The following NTN4 variants were observed in gnomAD, a reference collection of about 807,000 sequenced individuals.
NTN4 encodes netrin-4.
In NTN4, 32 loss-of-function variants were observed where a neutral mutation model predicts 73.6. That is an observed-to-expected ratio of 0.44 (90% CI 0.33 to 0.58). The LOEUF is 0.58. Among genes scored for constraint, NTN4 ranks in the 20% least tolerant of loss-of-function variants. The pLI is 0.04. For synonymous variants in NTN4, 258 were observed against 287.5 expected (o/e 0.90, Z 1.04); for missense variants, 654 against 798.3 (o/e 0.82, Z 2.18).
chr12:95,746,894 A>G (rs1240261191), intron 2 of NTN4, among the ~76,000 whole-genome samples: 3 of 152,136 alleles, frequency 2.0e-5, no homozygotes, highest in Non-Finnish European at 2.9e-5. Context: ...TCAATACTTT[A>G]AAACAATTGT....
Position 95,748,731 on chromosome 12 carries a change from G to A in NTN4, c.586-10587C>T, listed in dbSNP as rs192474892. 5.5e-3 allele frequency among the ~76,000 whole-genome samples: 832 copies of A among 152,132 alleles called. 7 individuals are homozygous for A. The highest frequency in any genetic ancestry group is 0.019 in the African/African-American group (791 of 41,518). On this transcript the variant is annotated intron_variant, in intron 2 of 9. Transcript: ENST00000343702. ...GGTGATCCACCCAGCTTGGCCTCCC[G>A]AAGTGCTGGGATTACAGCTGTAAGC... is the stretch of plus-strand genomic sequence containing the variant.
intron 7 of NTN4, among the ~76,000 whole-genome samples, chr12:95,678,371 A>ATAGT (rs1390697141): frequency 1.3e-5 from 2 of 150,106 alleles, no homozygotes; most frequent in East Asian, 4.0e-4. Context: ...AAAAAAAAGA[A>ATAGT]TAGTTTGATA....
At chr12:95,700,080 A>ATTTTGTTTTTTTTTT (rs2078471857) in intron 5 of NTN4, among the ~76,000 whole-genome samples, 1 of 41,788 alleles carries the variant, frequency 2.4e-5, no homozygotes, top group African/African-American at 9.6e-5. Flanking sequence ...TAAAGTGAGG[A>ATTTTGTTTTTTTTTT]TTTTTTTTTT....
At chr12:95,683,281 C>T (rs10777717) in intron 6 of NTN4, among the ~76,000 whole-genome samples, 33,398 of 152,076 alleles carry the variant, frequency 0.22, 4,309 homozygotes, top group Non-Finnish European at 0.27. Context: ...AGGCTGGCCT[C>T]GAACTCCTGA....
chr12:95,670,120 A>T lies in NTN4; in HGVS notation c.1537T>A (p.Leu513Ile), dbSNP rs925228629. ...CCACAGAATGCCTTGGCATTTCCTA[A>T]TGTCTGTTCCTTACATTCGCATTTA... is the stretch of plus-strand genomic sequence containing the variant. ...SGKCECKEQT[L>I]GNAKAFCGMK... The change falls in exon 8 of 10, where the codon TTA (leucine) becomes ATA (isoleucine). Residue 513 changes from leucine (L) to isoleucine (I), a missense_variant. By Grantham distance (5) the Leu-to-Ile change is conservative. Transcript: ENST00000343702. 6.3e-7 allele frequency: 1 copy of T among 1,598,680 alleles called. No homozygotes were observed. Among genetic ancestry groups the T allele is most frequent in the South Asian group, 1.1e-5 (1 of 87,540 alleles).
At chr12:95,727,276 A>G (rs1170401272) in intron 3 of NTN4, among the ~76,000 whole-genome samples, 1 of 152,114 alleles carries the variant, frequency 6.6e-6, no homozygotes, top group African/African-American at 2.4e-5. Flanking sequence ...AAACTGGGTT[A>G]TTTTTTGTTT....
chr12:95,664,549 CTCTCTT>C (rs1409163406), intron 9 of NTN4, among the ~76,000 whole-genome samples: 5 of 151,442 alleles, frequency 3.3e-5, no homozygotes, highest in African/African-American at 7.3e-5. Flanking sequence ...TTAGTTTATG[CTCTCTT>C]TCTCTTTCTC....
intron 5 of NTN4, among the ~76,000 whole-genome samples, chr12:95,687,512 T>A (rs1010472782): frequency 6.6e-6 from 1 of 151,932 alleles, no homozygotes; most frequent in African/African-American, 2.4e-5. Context: ...TCTATTCTCC[T>A]GCCTCAGCCT....
chr12:95,778,410 G>A (rs938376284), intron 2 of NTN4, among the ~76,000 whole-genome samples: 4 of 151,850 alleles, frequency 2.6e-5, no homozygotes, highest in Admixed American at 1.3e-4. Flanking sequence ...TTGATAGACC[G>A]CTAGCAAGAC....
At chr12:95,720,830 TAAC>T (rs909697270) in intron 3 of NTN4, among the ~76,000 whole-genome samples, 8 of 152,166 alleles carry the variant, frequency 5.3e-5, no homozygotes, top group African/African-American at 1.4e-4. Context: ...TGATGATAAA[TAAC>T]AACAACAATA....
chr12:95,687,404 GTTT>G (rs772101085), intron 5 of NTN4, among the ~76,000 whole-genome samples: 1 of 149,744 alleles, frequency 6.7e-6, no homozygotes, highest in Non-Finnish European at 1.5e-5. Flanking sequence ...TTGTTTTTTT[GTTT>G]TTTTGTTTTT....
At chr12:95,663,196 A>G (rs2078152079) in intron 9 of NTN4, among the ~76,000 whole-genome samples, 1 of 152,230 alleles carries the variant, frequency 6.6e-6, no homozygotes, top group Non-Finnish European at 1.5e-5. Flanking sequence ...CTTTGAAACT[A>G]CAAATAGAAT....
intron 2 of NTN4, among the ~76,000 whole-genome samples, chr12:95,764,454 CAGGAGTTTGAGACCAGCCTG>C (rs1272841367): frequency 2.6e-5 from 4 of 152,180 alleles, no homozygotes; most frequent in Non-Finnish European, 5.9e-5. Context: ...CACCTAAGGT[CAGGAGTTTGAGACCAGCCTG>C]GCCAACATGG....
Position 95,724,238 on chromosome 12 carries a change from A to G in NTN4, c.865-10900T>C, listed in dbSNP as rs151250410. Reference sequence around the variant, plus strand: ...AAATAGCATTAGACTAAGAATTGTAATGCCCAGGAGGCTTAAGAAGATTAC... The same window carrying G: ...AAATAGCATTAGACTAAGAATTGTAGTGCCCAGGAGGCTTAAGAAGATTAC... On this transcript the variant is annotated intron_variant, in intron 3 of 9. Transcript: ENST00000343702. 2.6e-3 allele frequency among the ~76,000 whole-genome samples: 403 copies of G among 152,346 alleles called. 3 individuals are homozygous for G. The highest frequency in any genetic ancestry group is 8.9e-3 in the African/African-American group (372 of 41,582).
At chr12:95,739,667 C>T (rs1197237692) in intron 2 of NTN4, among the ~76,000 whole-genome samples, 2 of 152,170 alleles carry the variant, frequency 1.3e-5, no homozygotes, top group Non-Finnish European at 2.9e-5. Flanking sequence ...AGTGCTACCT[C>T]CTATTTTATC....
chr12:95,765,723 A>G (rs1377002455), intron 2 of NTN4, among the ~76,000 whole-genome samples: 1 of 152,228 alleles, frequency 6.6e-6, no homozygotes, highest in African/African-American at 2.4e-5. Flanking sequence ...ATAATGTAAT[A>G]GAATTATATG....
Position 95,749,859 on chromosome 12 carries a change from C to T in NTN4, c.586-11715G>A, listed in dbSNP as rs566256187. On this transcript the variant is annotated intron_variant, in intron 2 of 9. Coordinates refer to ENST00000343702, the MANE Select transcript of NTN4 (RefSeq NM_021229.4). ...CTCCTTCACCCTTAGCGGCAAGTCC[C>T]GCTTTTCTGGGAGAGGGGCAAGTAC... 7.3e-3 allele frequency among the ~76,000 whole-genome samples: 1,074 copies of T among 147,484 alleles called. 23 individuals carry two copies. The highest frequency in any genetic ancestry group is 0.012 in the Non-Finnish European group (782 of 67,086).
At chr12:95,740,874 G>T (rs998264108) in intron 2 of NTN4, among the ~76,000 whole-genome samples, 1 of 152,158 alleles carries the variant, frequency 6.6e-6, no homozygotes, top group Non-Finnish European at 1.5e-5. Context: ...TAGGGAACTT[G>T]TCAGAGATGC....
At chr12:95,687,470 G>A (rs140251327) in intron 5 of NTN4, among the ~76,000 whole-genome samples, 3,332 of 150,150 alleles carry the variant, frequency 0.022, 130 homozygotes, top group African/African-American at 0.078. Context: ...GTGTGATCTC[G>A]GCTCACTGCA....
Sources: gnomAD v4.1 joint callset for allele counts (sites outside exome capture counted in the v4.1 genomes callset) on GRCh38, gnomAD v4.1.1 for gene constraint, MANE v1.5 for transcripts, NCBI Gene and HGNC (gene_info 2026-07-23, HGNC 2026-07-21) for gene names.